FCRL2: variants seen among roughly 807,000 people sequenced by gnomAD.
The protein encoded by FCRL2 is Fc receptor-like protein 2.
In FCRL2, 48 loss-of-function variants were observed where a neutral mutation model predicts 59.8. The ratio of observed to expected loss-of-function variants is 0.80; its 90% confidence interval spans 0.64 to 1.02. The LOEUF (loss-of-function observed/expected upper bound fraction) is 1.02, where lower values mean the gene tolerates loss of function less well. FCRL2 is among the 50% of genes least tolerant of loss of function. FCRL2 has a pLI of 0.00. For missense variants in FCRL2, 658 were observed against 597.3 expected, an observed-to-expected ratio of 1.10 and a Z score of -1.06; for synonymous variants, 251 against 229.5, an observed-to-expected ratio of 1.09 and a Z score of -0.85.
At chr1:157,762,510 G>T (rs747681147) in intron 7 of FCRL2, among the ~76,000 whole-genome samples, 26 of 152,138 alleles carry the variant, frequency 1.7e-4, no homozygotes, top group Non-Finnish European at 2.9e-4. Flanking sequence ...GAATGAAAAG[G>T]TTAGAAAACC....
chr1:157,757,088 G>C (rs1197742455), intron 7 of FCRL2, among the ~76,000 whole-genome samples: 1 of 152,204 alleles, frequency 6.6e-6, no homozygotes, highest in Non-Finnish European at 1.5e-5. Context: ...TGTCAGCAAA[G>C]AGGTAGACAC....
At chr1:157,749,412 T>C (rs1317810022) in intron 8 of FCRL2, among the ~76,000 whole-genome samples, 1 of 152,164 alleles carries the variant, frequency 6.6e-6, no homozygotes, top group East Asian at 1.9e-4. Flanking sequence ...TGAATTTATA[T>C]ATTAATTTAA....
intron 10 of FCRL2, among the ~76,000 whole-genome samples, chr1:157,748,265 G>C (rs1647906177): frequency 6.6e-6 from 1 of 151,994 alleles, no homozygotes. Context: ...ACAAAAATTA[G>C]CTGGGCGTGG....
At position 157,749,056 on chromosome 1, in the gene FCRL2, A is replaced by C. The variant is rs115712860; in HGVS notation, c.1308-96T>G. On this transcript the variant is annotated intron_variant, in intron 8 of 11. Coordinates refer to ENST00000361516, the MANE Select transcript of FCRL2 (RefSeq NM_030764.4). ...AGGAGAGAGCAGGTGGAAGCCCTGC[A>C]GCCATGGCTCTCTGCTTGGGTGATT... is the stretch of plus-strand genomic sequence containing the variant. 3.1e-3 allele frequency: 3,189 copies of C among 1,024,982 alleles called. 58 individuals are homozygous for C. The African/African-American group carries it at 0.043, about 14-fold the overall frequency. The allele number at this position is 1,024,982 out of a possible 1,614,324, so 63.5% of individuals were successfully genotyped here.
chr1:157,768,574 T>G lies in FCRL2; in HGVS notation c.723A>C (p.Arg241Ser). ...TTCCCATACTGGTTCCTGTGGCCTC[T>G]CTGTACCAGGAGAATGTGACATTTC... Reference protein sequence around the residue: ...GTGNVTFSWYREATGTSMGKK... With the variant: ...GTGNVTFSWYSEATGTSMGKK... Residue 241 changes from arginine (R) to serine (S), a missense_variant, in exon 5 of 12, where the codon AGA becomes AGC. By Grantham distance (110) the Arg-to-Ser change is moderately radical (BLOSUM62 -1). Coordinates refer to ENST00000361516, the MANE Select transcript of FCRL2 (RefSeq NM_030764.4). 6.2e-7 allele frequency: 1 copy of G among 1,614,222 alleles called. No individual in the cohort carries two copies. The highest frequency in any genetic ancestry group is 1.6e-4 in the Middle Eastern group (1 of 6,062).
intron 7 of FCRL2, among the ~76,000 whole-genome samples, chr1:157,755,712 A>G (rs1415598252): frequency 1.3e-5 from 2 of 152,252 alleles, no homozygotes; most frequent in African/African-American, 2.4e-5. Flanking sequence ...TTCTATACAT[A>G]TTTATATCAA....
intron 10 of FCRL2, 67 bp from the exon 11 acceptor site, chr1:157,746,966 T>A: frequency 1.3e-6 from 2 of 1,521,834 alleles, no homozygotes; most frequent in Non-Finnish European, 1.8e-6. Context: ...CCAGACTTTA[T>A]GCCCCAGGGC....
intron 7 of FCRL2, among the ~76,000 whole-genome samples, chr1:157,751,310 T>C (rs539238553): frequency 2.6e-5 from 4 of 152,348 alleles, no homozygotes; most frequent in South Asian, 2.1e-4. Context: ...TTCTGGGTTG[T>C]AAAACTGGCA....
intron 2 of FCRL2, among the ~76,000 whole-genome samples, chr1:157,773,132 TA>T (rs770113969): frequency 5.3e-5 from 8 of 152,192 alleles, no homozygotes; most frequent in African/African-American, 1.9e-4. Context: ...GTTTTGGAAT[TA>T]AAAAGTCACT....
At chr1:157,753,405 A>C (rs186766435) in intron 7 of FCRL2, among the ~76,000 whole-genome samples, 28 of 152,294 alleles carry the variant, frequency 1.8e-4, no homozygotes, top group Admixed American at 3.9e-4. Flanking sequence ...GCTCTATAGA[A>C]CTCGAAGAAA....
intron 7 of FCRL2, among the ~76,000 whole-genome samples, chr1:157,754,752 G>C (rs1004192439): frequency 1.3e-5 from 2 of 152,064 alleles, no homozygotes; most frequent in African/African-American, 4.8e-5. Context: ...GATCACTTGA[G>C]CTCAAGAGTT....
chr1:157,771,225 G>A (rs903865572), intron 2 of FCRL2, among the ~76,000 whole-genome samples: 2 of 152,110 alleles, frequency 1.3e-5, no homozygotes, highest in African/African-American at 2.4e-5. Flanking sequence ...GTTTTTTAAT[G>A]TTCATGAAGG....
intron 7 of FCRL2, among the ~76,000 whole-genome samples, chr1:157,760,450 C>T (rs940146746): frequency 5.3e-5 from 8 of 150,726 alleles, no homozygotes; most frequent in Admixed American, 1.3e-4. Flanking sequence ...TGGTGAAATG[C>T]TATCTCTTCT....
chr1:157,768,665 G>T lies in FCRL2; in HGVS notation c.632C>A (p.Ala211Asp). 2 of 1,613,672 alleles carry T rather than the reference G, an allele frequency of 1.2e-6. No individual in the cohort carries two copies. The highest frequency in any genetic ancestry group is 1.7e-6 in the Non-Finnish European group (2 of 1,179,740). ...TCCTTCAGTCACCTGTCCCCCGGGG[G>T]CCCGGATCTCCAAGCTTACATTAGA... ...PISNVSLEIR[A>D]PGGQVTEGQK... is the part of the protein sequence containing the mutation. Residue 211 changes from alanine to aspartate, a missense_variant, in exon 5 of 12, where the codon GCC (alanine) becomes GAC (aspartate). Transcript: ENST00000361516.
chr1:157,753,026 A>G (rs1648316544), intron 7 of FCRL2, among the ~76,000 whole-genome samples: 1 of 152,148 alleles, frequency 6.6e-6, no homozygotes, highest in East Asian at 1.9e-4. Context: ...CATACAAGTC[A>G]CACACACAAA....
rs2101653342 is a variant in FCRL2, at chr1:157,745,867, TC to T, written c.*868del. 6.6e-6 allele frequency: 1 copy of T among 152,304 alleles called. No individual in the cohort carries two copies. Among genetic ancestry groups the T allele is most frequent in the African/African-American group, 2.4e-5 (1 of 41,556 alleles). The allele number at this position is 152,304 out of a possible 1,614,324, so 9.4% of individuals were successfully genotyped here. On this transcript the variant is annotated 3_prime_UTR_variant, in exon 12 of 12. Coordinates refer to ENST00000361516, the MANE Select transcript of FCRL2 (RefSeq NM_030764.4). The stretch of plus-strand genomic sequence containing the variant: ...ACTTTGGTGATATTGCAGGTTCAGT[TC>T]CAGACTACCAAAATAAAACAAATGC...
chr1:157,747,368 T>C (rs1300021502), intron 10 of FCRL2, among the ~76,000 whole-genome samples: 1 of 152,196 alleles, frequency 6.6e-6, no homozygotes, highest in Non-Finnish European at 1.5e-5. Flanking sequence ...CTGCTTCTTT[T>C]CCCCTTTTTC....
intron 7 of FCRL2, among the ~76,000 whole-genome samples, chr1:157,760,145 T>A (rs1382629194): frequency 6.6e-6 from 1 of 152,202 alleles, no homozygotes; most frequent in African/African-American, 2.4e-5. Flanking sequence ...TGCAGCAACA[T>A]GGATGGAGCT....
At position 157,775,799 on chromosome 1, in the gene FCRL2, T is replaced by G. The variant is rs1553207017; in HGVS notation, c.32-4A>C. ...CCTGCCTGTTCAGTGACTGCATCTG[T>G]GAGGAGATCAAAAGCCAGAGATTAG... On this transcript the variant is annotated splice_region_variant and splice_polypyrimidine_tract_variant and intron_variant, in intron 1 of 11. Coordinates refer to ENST00000361516, the MANE Select transcript of FCRL2 (RefSeq NM_030764.4). 2 of 1,613,982 alleles carry G rather than the reference T, an allele frequency of 1.2e-6. No homozygotes were observed. Among genetic ancestry groups the G allele is most frequent in the East Asian group, 4.5e-5 (2 of 44,882 alleles).
Sources: allele counts gnomAD v4.1 joint callset (sites outside exome capture counted in the v4.1 genomes callset), GRCh38; gene constraint gnomAD v4.1.1; transcripts MANE v1.5; gene names NCBI Gene and HGNC (gene_info 2026-07-23, HGNC 2026-07-21).